The following TMEM45B variants were observed in gnomAD, a reference collection of about 807,000 sequenced individuals.
TMEM45B encodes the protein transmembrane protein 45B.
Under a neutral mutation model 27.3 loss-of-function variants are expected in TMEM45B, and 29 were observed. The observed-to-expected ratio is 1.06, with a 90% CI of 0.79 to 1.45. The LOEUF is 1.45. Among genes scored for constraint, TMEM45B ranks in the 40% most tolerant of loss-of-function variants. The pLI is 0.00. For synonymous variants in TMEM45B, 143 were observed against 134.7 expected, an observed-to-expected ratio of 1.06 and a Z score of -0.43; for missense variants, 348 against 343.9, an observed-to-expected ratio of 1.01 and a Z score of -0.09.
intron 1 of TMEM45B, among the ~76,000 whole-genome samples, chr11:129,821,161 AC>A (rs901030054): frequency 4.0e-5 from 6 of 151,488 alleles, no homozygotes; most frequent in Admixed American, 4.0e-4. Flanking sequence ...CTTTCCCCCA[AC>A]CCCCTGGAAT....
chr11:129,823,466 C>G (rs1471451217), intron 1 of TMEM45B, among the ~76,000 whole-genome samples: 1 of 152,178 alleles, frequency 6.6e-6, no homozygotes, highest in East Asian at 1.9e-4. Flanking sequence ...ACAGCACAGG[C>G]CCAGGCTTGT....
At chr11:129,826,547 A>T (rs1947482859) in intron 1 of TMEM45B, among the ~76,000 whole-genome samples, 1 of 85,056 alleles carries the variant, frequency 1.2e-5, no homozygotes, top group Admixed American at 1.4e-4. Flanking sequence ...AGACTCTGTC[A>T]CAAAAAAAAA....
chr11:129,856,034 TCC>T, intron 4 of TMEM45B, 142 bp downstream of exon 4: 1 of 945,748 alleles, frequency 1.1e-6, no homozygotes, highest in Non-Finnish European at 1.6e-6. Context: ...ATGACCCTTT[TCC>T]CCCCATGCCC....
intron 1 of TMEM45B, among the ~76,000 whole-genome samples, chr11:129,833,918 C>A (rs1410986250): frequency 2.0e-5 from 3 of 152,244 alleles, no homozygotes. Flanking sequence ...AGACTTCTAG[C>A]TTCCAGAACT....
chr11:129,833,853 G>A (rs1214821992), intron 1 of TMEM45B, among the ~76,000 whole-genome samples: 3 of 152,200 alleles, frequency 2.0e-5, no homozygotes, highest in Admixed American at 2.0e-4. Context: ...GCGGTCATCT[G>A]CAAGCCCAGG....
chr11:129,844,506 C>T (rs934113413), intron 1 of TMEM45B, among the ~76,000 whole-genome samples: 11 of 152,048 alleles, frequency 7.2e-5, no homozygotes, highest in African/African-American at 1.9e-4. Flanking sequence ...GGCAACATAG[C>T]GAGACGTTGT....
At chr11:129,827,250 T>G (rs558338095) in intron 1 of TMEM45B, 1 of 152,390 alleles carries the variant, frequency 6.6e-6, no homozygotes, top group African/African-American at 2.4e-5. Flanking sequence ...GTTAGGCGAT[T>G]TTGTTGTGTG....
intron 1 of TMEM45B, among the ~76,000 whole-genome samples, chr11:129,843,147 G>A (rs1002825217): frequency 2.6e-5 from 4 of 152,232 alleles, no homozygotes; most frequent in Admixed American, 1.3e-4. Context: ...TGCCATGTTG[G>A]CCAGGCTGGT....
intron 2 of TMEM45B, among the ~76,000 whole-genome samples, chr11:129,853,241 C>G (rs692325): frequency 3.9e-5 from 6 of 152,046 alleles, no homozygotes; most frequent in Non-Finnish European, 8.8e-5. Flanking sequence ...CTGTTTCCTT[C>G]GCATCCACTC....
chr11:129,822,469 G>C (rs1198826420), intron 1 of TMEM45B, among the ~76,000 whole-genome samples: 1 of 152,146 alleles, frequency 6.6e-6, no homozygotes, highest in East Asian at 1.9e-4. Context: ...AGGCCTTTTT[G>C]ATGGCTTATC....
intron 1 of TMEM45B, among the ~76,000 whole-genome samples, chr11:129,835,424 T>G (rs1383906859): frequency 1.3e-5 from 2 of 152,038 alleles, no homozygotes; most frequent in African/African-American, 4.8e-5. Flanking sequence ...AGGCCAAGGT[T>G]TTTGAGAATT....
intron 1 of TMEM45B, among the ~76,000 whole-genome samples, chr11:129,826,325 G>A (rs2509039): frequency 0.32 from 48,963 of 151,380 alleles, 8,528 homozygotes; most frequent in East Asian, 0.48. Flanking sequence ...CGAGGCGGGC[G>A]GATCACGAGG....
At chr11:129,829,190 T>A (rs1237107232) in intron 1 of TMEM45B, among the ~76,000 whole-genome samples, 1 of 152,214 alleles carries the variant, frequency 6.6e-6, no homozygotes, top group Non-Finnish European at 1.5e-5. Context: ...TGACACTACA[T>A]AGTTCATATT....
intron 1 of TMEM45B, among the ~76,000 whole-genome samples, chr11:129,837,602 A>ATTTTTTTTTTTTTTT (rs1947638865): frequency 4.3e-5 from 1 of 23,046 alleles, no homozygotes; most frequent in African/African-American, 1.2e-4. Flanking sequence ...TTTTTTTTTG[A>ATTTTTTTTTTTTTTT]GACAGGGTCT....
intron 1 of TMEM45B, among the ~76,000 whole-genome samples, chr11:129,829,571 A>G (rs1331945853): frequency 4.6e-5 from 7 of 152,200 alleles, no homozygotes; most frequent in Admixed American, 6.5e-5. Flanking sequence ...CTCCCACCAT[A>G]TGGATGATTG....
chr11:129,839,094 C>T (rs1947659186), intron 1 of TMEM45B, among the ~76,000 whole-genome samples: 1 of 152,124 alleles, frequency 6.6e-6, no homozygotes, highest in African/African-American at 2.4e-5. Flanking sequence ...ACCTTATCTT[C>T]TATTTCACTT....
At chr11:129,820,002 C>A (rs1313354764) in intron 1 of TMEM45B, among the ~76,000 whole-genome samples, 1 of 152,074 alleles carries the variant, frequency 6.6e-6, no homozygotes, top group Admixed American at 6.6e-5. Context: ...GAGACAGACA[C>A]GTTGCCAATA....
intron 3 of TMEM45B, among the ~76,000 whole-genome samples, 199 bp downstream of exon 3, chr11:129,855,015 T>C (rs1408137825): frequency 6.6e-6 from 1 of 152,192 alleles, no homozygotes; most frequent in East Asian, 1.9e-4. Flanking sequence ...AAGTAGCTCA[T>C]GAAAGCTTTG....
chr11:129,817,566 C>A (rs1171228180), intron 1 of TMEM45B, among the ~76,000 whole-genome samples: 1 of 152,198 alleles, frequency 6.6e-6, no homozygotes, highest in Admixed American at 6.5e-5. Context: ...CCATTTCCTT[C>A]TTTTTAAAGA....
Sources: allele counts gnomAD v4.1 joint callset (sites outside exome capture counted in the v4.1 genomes callset), GRCh38; gene constraint gnomAD v4.1.1; transcripts MANE v1.5; gene names NCBI Gene and HGNC (gene_info 2026-07-23, HGNC 2026-07-21).